EYA3: variants seen among roughly 807,000 people sequenced by gnomAD.
EYA3 encodes the protein EYA transcriptional coactivator and phosphatase 3, also known as protein phosphatase EYA3.
A neutral mutation model predicts 80.0 loss-of-function variants in EYA3; 39 were observed. The ratio of observed to expected loss-of-function variants is 0.49; its 90% CI spans 0.38 to 0.64. The LOEUF (loss-of-function observed/expected upper bound fraction) is 0.64, where lower values mean the gene tolerates loss of function less well. Among genes scored for constraint, EYA3 ranks in the 30% least tolerant of loss-of-function variants. EYA3 has a pLI of 0.00. For synonymous variants in EYA3, 206 were observed against 232.8 expected (o/e 0.88, Z 1.05); for missense variants, 523 against 676.1 (o/e 0.77, Z 2.51).
At chr1:27,987,022 A>C (rs2148719463) in intron 16 of EYA3, among the ~76,000 whole-genome samples, 1 of 152,314 alleles carries the variant, frequency 6.6e-6, no homozygotes, top group East Asian at 1.9e-4. Context: ...TTTTAAGTGT[A>C]AAGTTCTGTC....
At chr1:28,076,574 G>C (rs1412307757) in intron 1 of EYA3, among the ~76,000 whole-genome samples, 2 of 150,790 alleles carry the variant, frequency 1.3e-5, no homozygotes, top group Non-Finnish European at 3.0e-5. Flanking sequence ...AGCTGTGTGT[G>C]GTGGCACATG....
chr1:28,065,998 C>T (rs981550335), intron 1 of EYA3, among the ~76,000 whole-genome samples: 3 of 151,188 alleles, frequency 2.0e-5, no homozygotes, highest in Non-Finnish European at 4.4e-5. Context: ...AAGAGTGAAA[C>T]TCTGTCTCAA....
chr1:28,006,934 CTTTT>C lies in EYA3; in HGVS notation c.910-2519_910-2516del, dbSNP rs58401673. ...ATTATCTGTTTGCAGATGACATAATCTTTTTTTTTTTTTTTTTTTTTTTTGAGAA... is the reference window on the plus strand; with the variant it reads ...ATTATCTGTTTGCAGATGACATAATCTTTTTTTTTTTTTTTTTTTTGAGAA... On this transcript the variant is annotated intron_variant, in intron 10 of 17. Transcript: ENST00000373871. 3.0e-3 allele frequency among the ~76,000 whole-genome samples: 276 copies of C among 91,984 alleles called. 1 individual carries two copies. Among genetic ancestry groups the C allele is most frequent in the African/African-American group, 0.011 (241 of 22,668 alleles). The allele number at this position is 91,984 out of a possible 152,430, so 60.3% of individuals were successfully genotyped here.
intron 3 of EYA3, 58 bp downstream of exon 3, chr1:28,048,325 G>GA (rs199586294): frequency 0.12 from 108,686 of 901,080 alleles, 1 homozygote; most frequent in Non-Finnish European, 0.14. Flanking sequence ...ATCAGCATGT[G>GA]AAAAAAAAAA....
At chr1:28,073,127 A>ATATATATATATATATATTT (rs1553157671) in intron 1 of EYA3, among the ~76,000 whole-genome samples, 3 of 14,998 alleles carry the variant, frequency 2.0e-4, no homozygotes, top group Non-Finnish European at 3.4e-4. Flanking sequence ...ATATATATAT[A>ATATATATATATATATATTT]TTTTTTTTTT....
At chr1:28,025,010 T>A (rs541862295) in intron 7 of EYA3, among the ~76,000 whole-genome samples, 29 of 152,170 alleles carry the variant, frequency 1.9e-4, no homozygotes, top group African/African-American at 6.0e-4. Context: ...ATGCTTGGGG[T>A]GTTTTGAACA....
chr1:28,065,227 T>C (rs906548523), intron 1 of EYA3, among the ~76,000 whole-genome samples: 5 of 152,218 alleles, frequency 3.3e-5, no homozygotes, highest in African/African-American at 1.2e-4. Context: ...TGAATTTCTT[T>C]TCCTTCTTCA....
At chr1:28,083,654 C>G (rs916750144) in intron 1 of EYA3, among the ~76,000 whole-genome samples, 14 of 152,112 alleles carry the variant, frequency 9.2e-5, no homozygotes. Context: ...TACTGTTTTA[C>G]CACTACAGAG....
intron 1 of EYA3, among the ~76,000 whole-genome samples, chr1:28,082,573 A>G (rs983657485): frequency 6.6e-6 from 1 of 152,160 alleles, no homozygotes; most frequent in Non-Finnish European, 1.5e-5. Context: ...TACTCTAAAC[A>G]TGATAGTCCT....
chr1:28,011,518 C>G (rs1439645619), intron 9 of EYA3, among the ~76,000 whole-genome samples: 1 of 152,130 alleles, frequency 6.6e-6, no homozygotes, highest in Non-Finnish European at 1.5e-5. Context: ...GCCAGAAGCA[C>G]CGCCCCACCT....
intron 1 of EYA3, among the ~76,000 whole-genome samples, chr1:28,078,055 T>A (rs1476898669): frequency 6.6e-6 from 1 of 152,060 alleles, no homozygotes; most frequent in Non-Finnish European, 1.5e-5. Flanking sequence ...CCTTCAAAAC[T>A]CCATCAGACA....
At chr1:27,987,534 T>C (rs1339503507) in intron 16 of EYA3, among the ~76,000 whole-genome samples, 1 of 152,180 alleles carries the variant, frequency 6.6e-6, no homozygotes, top group Non-Finnish European at 1.5e-5. Context: ...CAGGCTGAAC[T>C]CAAACTCCTG....
chr1:28,059,534 T>C (rs2148901634), intron 1 of EYA3, among the ~76,000 whole-genome samples: 1 of 152,342 alleles, frequency 6.6e-6, no homozygotes, highest in African/African-American at 2.4e-5. Flanking sequence ...CAAACATTTT[T>C]GGTTTTACTA....
At position 28,078,510 on chromosome 1, in the gene EYA3, G is replaced by A. The variant is rs527918076; in HGVS notation, c.-69+10014C>T. ...GAATGCTTCTTATGGGTCAGGTACC[G>A]TTCTAAGTACTTTTAATATATTAAC... On this transcript the variant is annotated intron_variant, in intron 1 of 17. Coordinates refer to ENST00000373871, the MANE Select transcript of EYA3 (RefSeq NM_001990.4). 3.3e-5 allele frequency among the ~76,000 whole-genome samples: 5 copies of A among 152,172 alleles called. No individual in the cohort carries two copies. In the South Asian group the frequency reaches 6.2e-4, roughly 19 times the overall value.
chr1:28,009,639 A>AAACAACAACAACAACAACAAC lies in EYA3; in HGVS notation c.909+1287_909+1307dup, dbSNP rs374689783. On this transcript the variant is annotated intron_variant, in intron 10 of 17. Coordinates refer to ENST00000373871, the MANE Select transcript of EYA3 (RefSeq NM_001990.4). The surrounding 1 kb of genome is among the most constrained non-coding windows in gnomAD (Gnocchi z 4.8). ...CACTCCAGCCTGAGACTCCATCTCAAAACAACAACAACAACAACAACAACA... is the reference window on the plus strand; with the variant it reads ...CACTCCAGCCTGAGACTCCATCTCAAAACAACAACAACAACAACAACAACAACAACAACAACAACAACAACA... Among the ~76,000 whole-genome samples, 14 of 108,138 alleles carry AAACAACAACAACAACAACAAC rather than the reference A, an allele frequency of 1.3e-4. No homozygotes were observed. The highest frequency in any genetic ancestry group is 1.9e-4 in the Non-Finnish European group (9 of 46,892). The allele number at this position is 108,138 out of a possible 152,430, so 70.9% of individuals were successfully genotyped here. A position where few individuals can be genotyped will look rare whatever the true frequency, so the allele number is the denominator to read the frequency against.
intron 1 of EYA3, among the ~76,000 whole-genome samples, chr1:28,072,083 G>A (rs1395894785): frequency 6.6e-6 from 1 of 151,998 alleles, no homozygotes; most frequent in Non-Finnish European, 1.5e-5. Flanking sequence ...AACTCAAAAT[G>A]ATGACACACA....
chr1:28,020,667 C>CGTGTATGTGTGT (rs1642371212), intron 7 of EYA3, among the ~76,000 whole-genome samples: 1 of 134,478 alleles, frequency 7.4e-6, no homozygotes, highest in Non-Finnish European at 1.6e-5. Context: ...TACAGATCAT[C>CGTGTATGTGTGT]GTGTGTGTGT....
chr1:28,082,305 G>A (rs1645458253), intron 1 of EYA3, among the ~76,000 whole-genome samples: 1 of 152,028 alleles, frequency 6.6e-6, no homozygotes, highest in Non-Finnish European at 1.5e-5. Context: ...CAAGACTCCT[G>A]CATTAAGGTG....
chr1:27,983,567 C>T (rs1373739010), intron 16 of EYA3, among the ~76,000 whole-genome samples: 4 of 152,180 alleles, frequency 2.6e-5, no homozygotes, highest in Admixed American at 6.5e-5. Context: ...TTTTCCTCTT[C>T]GGCAAACTGG....
Sources: gnomAD v4.1 joint callset for allele counts (sites outside exome capture counted in the v4.1 genomes callset) on GRCh38, gnomAD v4.1.1 for gene constraint, Gnocchi (gnomAD v3.1) non-coding constraint, MANE v1.5 for transcripts, NCBI Gene and HGNC (gene_info 2026-07-23, HGNC 2026-07-21) for gene names.